The following CTNNA3 variants were observed in gnomAD, a reference collection of about 807,000 sequenced individuals.
CTNNA3 encodes the protein catenin alpha 3.
Under a neutral mutation model 95.7 loss-of-function variants are expected in CTNNA3, and 76 were observed. The observed-to-expected ratio is 0.79, with a 90% CI of 0.66 to 0.96. The LOEUF is 0.96. Ranked by LOEUF, CTNNA3 falls within the 40% of genes least tolerant of loss-of-function variation. The pLI is 0.00. For missense variants in CTNNA3, 1,191 were observed against 1,089.8 expected (o/e 1.09, Z -1.31); for synonymous variants, 431 against 374.4 (o/e 1.15, Z -1.74).
intron 13 of CTNNA3, among the ~76,000 whole-genome samples, chr10:66,107,358 C>T (rs913161116): frequency 6.6e-6 from 1 of 152,102 alleles, no homozygotes; most frequent in African/African-American, 2.4e-5. Flanking sequence ...CAAATACTAC[C>T]TAATTTTTAG....
chr10:66,116,313 T>C (rs1405450227), intron 13 of CTNNA3, among the ~76,000 whole-genome samples: 3 of 152,174 alleles, frequency 2.0e-5, no homozygotes, highest in Admixed American at 2.0e-4. Context: ...AAAATGTCCA[T>C]GTATTTCTTA....
chr10:66,103,291 G>C lies in CTNNA3; in HGVS notation c.1885-42C>G, dbSNP rs539623874. On this transcript the variant is annotated intron_variant, in intron 13 of 17. Transcript: ENST00000433211. ...AAACATTGCTAGTGGGAATGTAAAA[G>C]CATTTCTTCTTTGGAAAACAACGCG... 649 of 1,506,698 alleles carry C rather than the reference G, an allele frequency of 4.3e-4. 1 individual carries two copies. The highest frequency in any genetic ancestry group is 5.3e-4 in the Non-Finnish European group (573 of 1,082,276). The allele number at this position is 1,506,698 out of a possible 1,614,324, so 93.3% of individuals were successfully genotyped here.
chr10:66,736,721 TTCTA>T (rs1322679186), intron 9 of CTNNA3, among the ~76,000 whole-genome samples: 2 of 152,056 alleles, frequency 1.3e-5, no homozygotes, highest in South Asian at 2.1e-4. Context: ...ATTTTAAAAT[TTCTA>T]TCTGTGTGCT....
chr10:66,022,891 C>T (rs1281452774), intron 15 of CTNNA3, among the ~76,000 whole-genome samples: 1 of 152,062 alleles, frequency 6.6e-6, no homozygotes, highest in Non-Finnish European at 1.5e-5. Context: ...TATCCTATGC[C>T]ATTCATTGTT....
intron 15 of CTNNA3, among the ~76,000 whole-genome samples, chr10:66,025,380 T>C (rs1214196671): frequency 6.6e-6 from 1 of 152,208 alleles, no homozygotes; most frequent in Non-Finnish European, 1.5e-5. Context: ...GTGGAGGTGA[T>C]GAAAACAACC....
chr10:66,094,414 A>G (rs920657077), intron 14 of CTNNA3, among the ~76,000 whole-genome samples: 1 of 152,080 alleles, frequency 6.6e-6, no homozygotes, highest in African/African-American at 2.4e-5. Context: ...TAGATGACAG[A>G]TTTTTCACTT....
chr10:67,596,209 T>G (rs1842928192), intron 3 of CTNNA3, among the ~76,000 whole-genome samples: 1 of 152,224 alleles, frequency 6.6e-6, no homozygotes, highest in South Asian at 2.1e-4. Context: ...GATTATGTAG[T>G]TGCTTTATAG....
chr10:67,649,926 G>A (rs367882128), intron 1 of CTNNA3, among the ~76,000 whole-genome samples: 1 of 152,018 alleles, frequency 6.6e-6, no homozygotes, highest in Non-Finnish European at 1.5e-5. Context: ...CACAACCTCC[G>A]CCTCCCAAGT....
chr10:67,236,405 G>T (rs1168550592), intron 5 of CTNNA3, among the ~76,000 whole-genome samples: 1 of 149,628 alleles, frequency 6.7e-6, no homozygotes, highest in Non-Finnish European at 1.5e-5. Context: ...GCAAACTATC[G>T]CAAGAAGAAA....
intron 7 of CTNNA3, among the ~76,000 whole-genome samples, chr10:66,918,980 A>G (rs1296541335): frequency 1.3e-5 from 2 of 151,680 alleles, no homozygotes; most frequent in East Asian, 3.9e-4. Flanking sequence ...CTAAAAATAC[A>G]AAAAATTAGC....
intron 5 of CTNNA3, among the ~76,000 whole-genome samples, chr10:67,223,114 T>C (rs1030256380): frequency 6.6e-6 from 1 of 152,082 alleles, no homozygotes. Context: ...ATAACAAATA[T>C]AACGTTACAG....
Position 66,084,320 on chromosome 10 carries a change from A to G in CTNNA3, c.1978-14831T>C, listed in dbSNP as rs369042667. On this transcript the variant is annotated intron_variant, in intron 14 of 17. Transcript: ENST00000433211. ...ACAAAATATTTGACTATTCTGTTGC[A>G]TGCCATTATCAAAATAATTCATGTA... 4.4e-4 allele frequency among the ~76,000 whole-genome samples: 67 copies of G among 152,184 alleles called. 1 individual carries two copies. The South Asian group carries it at 0.014, about 31-fold the overall frequency.
chr10:66,511,462 T>C (rs1245915962), intron 11 of CTNNA3, among the ~76,000 whole-genome samples: 1 of 100,022 alleles, frequency 1.0e-5, no homozygotes, highest in Non-Finnish European at 2.4e-5. Context: ...ATCACTAGGT[T>C]ATTTGAAATC....
At chr10:67,649,605 A>G (rs1041904086) in intron 1 of CTNNA3, among the ~76,000 whole-genome samples, 1 of 152,210 alleles carries the variant, frequency 6.6e-6, no homozygotes. Context: ...TAATCTTTAA[A>G]TAAATGCTAT....
chr10:66,616,378 C>G (rs1453784911), intron 10 of CTNNA3, among the ~76,000 whole-genome samples: 1 of 152,084 alleles, frequency 6.6e-6, no homozygotes, highest in Admixed American at 6.6e-5. Flanking sequence ...CTTCTAACAT[C>G]TGCTCATAGG....
intron 10 of CTNNA3, among the ~76,000 whole-genome samples, chr10:66,532,493 G>A (rs1461888776): frequency 6.6e-6 from 1 of 150,658 alleles, no homozygotes; most frequent in Non-Finnish European, 1.5e-5. Flanking sequence ...GCATGTATTT[G>A]AAATGCCTGA....
chr10:67,459,679 A>G (rs1847305643), intron 5 of CTNNA3, among the ~76,000 whole-genome samples: 1 of 152,204 alleles, frequency 6.6e-6, no homozygotes, highest in Admixed American at 6.5e-5. Flanking sequence ...GAGCAAAAGC[A>G]AAATGTCTTC....
At chr10:67,320,956 C>T (rs1169827613) in intron 5 of CTNNA3, among the ~76,000 whole-genome samples, 1 of 152,132 alleles carries the variant, frequency 6.6e-6, no homozygotes, top group Non-Finnish European at 1.5e-5. Flanking sequence ...TCAATTTTTG[C>T]AAATTTTATC....
chr10:67,520,742 G>T (rs761978246), intron 5 of CTNNA3, among the ~76,000 whole-genome samples: 52 of 152,276 alleles, frequency 3.4e-4, no homozygotes, highest in Non-Finnish European at 6.3e-4. Context: ...AAGGTTAAAT[G>T]TCCATGTAAC....
Sources: allele counts gnomAD v4.1 joint callset (sites outside exome capture counted in the v4.1 genomes callset), GRCh38; gene constraint gnomAD v4.1.1; transcripts MANE v1.5; gene names NCBI Gene and HGNC (gene_info 2026-07-23, HGNC 2026-07-21).